Variants in CDH9 observed in about 807,000 individuals in gnomAD.
CDH9 encodes cadherin 9.
Under a neutral mutation model 70.9 loss-of-function variants are expected in CDH9, and 28 were observed. The observed-to-expected ratio is 0.40, with a 90% CI of 0.29 to 0.54. The LOEUF is 0.54. CDH9 is among the 20% of genes least tolerant of loss of function. CDH9 has a pLI of 0.59. For missense variants in CDH9, 874 were observed against 984.4 expected (o/e 0.89, Z 1.50); for synonymous variants, 409 against 343.1 (o/e 1.19, Z -2.12).
At chr5:27,035,656 A>G (rs1422948133) in intron 1 of CDH9, among the ~76,000 whole-genome samples, 2 of 149,834 alleles carry the variant, frequency 1.3e-5, no homozygotes, top group Non-Finnish European at 3.0e-5. Context: ...AAATTACTCT[A>G]TGTTAATATT....
At chr5:27,007,371 G>A (rs1362505463) in intron 1 of CDH9, among the ~76,000 whole-genome samples, 1 of 152,002 alleles carries the variant, frequency 6.6e-6, no homozygotes, top group Non-Finnish European at 1.5e-5. Context: ...GATGTGCATG[G>A]CAATATTGAG....
At chr5:27,001,019 T>A (rs2112105209) in intron 1 of CDH9, among the ~76,000 whole-genome samples, 1 of 152,236 alleles carries the variant, frequency 6.6e-6, no homozygotes, top group Non-Finnish European at 1.5e-5. Context: ...CCATTTTGTA[T>A]AATACTGCAA....
intron 1 of CDH9, among the ~76,000 whole-genome samples, chr5:26,990,257 T>C (rs1429280647): frequency 1.3e-5 from 2 of 152,168 alleles, no homozygotes; most frequent in African/African-American, 4.8e-5. Flanking sequence ...GCAGGTGGTA[T>C]TATAGATTCT....
At chr5:26,990,866 T>C (rs577304999) in intron 1 of CDH9, among the ~76,000 whole-genome samples, 1 of 152,202 alleles carries the variant, frequency 6.6e-6, no homozygotes, top group Admixed American at 6.5e-5. Context: ...TATTCTCCAT[T>C]TCCTGGGGTC....
chr5:26,924,730 G>A (rs1187400298), intron 2 of CDH9, among the ~76,000 whole-genome samples: 1 of 151,918 alleles, frequency 6.6e-6, no homozygotes, highest in African/African-American at 2.4e-5. Flanking sequence ...AGGCCCCGGT[G>A]TGTGATGTTC....
intron 1 of CDH9, among the ~76,000 whole-genome samples, chr5:27,034,250 A>G (rs1212436545): frequency 6.6e-6 from 1 of 151,730 alleles, no homozygotes; most frequent in Non-Finnish European, 1.5e-5. Flanking sequence ...TAGAAATTAA[A>G]ATGAAGTCAT....
intron 2 of CDH9, among the ~76,000 whole-genome samples, chr5:26,971,820 G>A (rs1345297391): frequency 6.6e-6 from 1 of 152,012 alleles, no homozygotes; most frequent in Non-Finnish European, 1.5e-5. Context: ...ACTATAAAAT[G>A]TATAATAACA....
At chr5:26,968,067 C>A (rs1742158036) in intron 2 of CDH9, among the ~76,000 whole-genome samples, 1 of 151,998 alleles carries the variant, frequency 6.6e-6, no homozygotes, top group Non-Finnish European at 1.5e-5. Flanking sequence ...AGTTTTAGAA[C>A]CTATTGTATT....
chr5:26,912,243 G>A (rs965418481), intron 3 of CDH9, among the ~76,000 whole-genome samples: 1 of 151,920 alleles, frequency 6.6e-6, no homozygotes, highest in Non-Finnish European at 1.5e-5. Context: ...AGATTTAACT[G>A]TTAATATATG....
At chr5:26,909,877 C>G (rs920754575) in intron 3 of CDH9, among the ~76,000 whole-genome samples, 1 of 151,532 alleles carries the variant, frequency 6.6e-6, no homozygotes, top group Admixed American at 6.6e-5. Context: ...ATAAATAATT[C>G]GGTGGCTAAA....
rs373321510 is a variant in CDH9 at position 26,888,115 on chromosome 5, T to C, written c.1512+1721A>G. Among the ~76,000 whole-genome samples the C allele has an allele frequency of 1.2e-4, 19 of 152,306 alleles. No homozygotes were observed. The South Asian group carries it at 3.9e-3, about 32-fold the overall frequency. On this transcript the variant is annotated intron_variant, in intron 9 of 11. Transcript: ENST00000231021. Reference sequence around the variant, plus strand: ...ATGAAAAAAAAATGTTTGGCCTTAATGATTTTAAAAGAATTCACACTAAAA... The same window carrying C: ...ATGAAAAAAAAATGTTTGGCCTTAACGATTTTAAAAGAATTCACACTAAAA...
chr5:26,900,586 G>A (rs925027316), intron 7 of CDH9, among the ~76,000 whole-genome samples: 6 of 152,014 alleles, frequency 3.9e-5, no homozygotes, highest in South Asian at 4.1e-4. Flanking sequence ...AAAAGATTTG[G>A]TCTCATTCAG....
At chr5:26,882,053 A>G (rs1740477114) in intron 11 of CDH9, among the ~76,000 whole-genome samples, 1 of 152,050 alleles carries the variant, frequency 6.6e-6, no homozygotes, top group South Asian at 2.1e-4. Flanking sequence ...GCAAAACATT[A>G]CTCATATATA....
intron 2 of CDH9, among the ~76,000 whole-genome samples, chr5:26,942,499 G>C (rs2112037041): frequency 6.6e-6 from 1 of 152,254 alleles, no homozygotes; most frequent in South Asian, 2.1e-4. Context: ...TTCAACATCA[G>C]TTCTGAAGAG....
chr5:26,960,369 G>T (rs370715842), intron 2 of CDH9, among the ~76,000 whole-genome samples: 1 of 151,894 alleles, frequency 6.6e-6, no homozygotes, highest in African/African-American at 2.4e-5. Flanking sequence ...TAACCGAAAG[G>T]TTTAGACAAC....
At chr5:26,972,025 T>C (rs189601076) in intron 2 of CDH9, among the ~76,000 whole-genome samples, 2 of 152,190 alleles carry the variant, frequency 1.3e-5, no homozygotes, top group Non-Finnish European at 2.9e-5. Context: ...TAATAGTGAA[T>C]GTCCTATTTT....
intron 4 of CDH9, among the ~76,000 whole-genome samples, chr5:26,906,362 A>G (rs1421647993): frequency 6.6e-6 from 1 of 152,204 alleles, no homozygotes; most frequent in Non-Finnish European, 1.5e-5. Flanking sequence ...TTTTTTGATT[A>G]CAAAAATTAA....
At chr5:27,037,409 C>A (rs1013562625) in intron 1 of CDH9, among the ~76,000 whole-genome samples, 1 of 151,942 alleles carries the variant, frequency 6.6e-6, no homozygotes, top group Non-Finnish European at 1.5e-5. Context: ...ATATCTTCAT[C>A]AAAAGTTGAT....
intron 2 of CDH9, among the ~76,000 whole-genome samples, chr5:26,972,719 TAAC>T (rs1316944570): frequency 1.3e-5 from 2 of 152,160 alleles, no homozygotes; most frequent in East Asian, 3.9e-4. Flanking sequence ...TACCAGGCTT[TAAC>T]AACATATGGT....
Sources: gnomAD v4.1 joint callset for allele counts (sites outside exome capture counted in the v4.1 genomes callset) on GRCh38, gnomAD v4.1.1 for gene constraint, MANE v1.5 for transcripts, NCBI Gene and HGNC (gene_info 2026-07-23, HGNC 2026-07-21) for gene names.